CXADR: variants seen among roughly 807,000 people sequenced by gnomAD.
CXADR encodes the protein coxsackievirus and adenovirus receptor.
A neutral mutation model predicts 40.3 loss-of-function variants in CXADR; 20 were observed. The ratio of observed to expected loss-of-function variants is 0.50; its 90% CI spans 0.35 to 0.72. The LOEUF (loss-of-function observed/expected upper bound fraction) is 0.72. Among genes scored for constraint, CXADR ranks in the 30% least tolerant of loss-of-function variants. The pLI is 0.01. For synonymous variants in CXADR, 150 were observed against 161.3 expected, an observed-to-expected ratio of 0.93 and a Z score of 0.53; for missense variants, 332 against 449.1, an observed-to-expected ratio of 0.74 and a Z score of 2.36.
intron 6 of CXADR, among the ~76,000 whole-genome samples, chr21:17,564,566 C>T (rs1432797913): frequency 9.9e-5 from 15 of 151,910 alleles, no homozygotes; most frequent in Admixed American, 3.3e-4. Context: ...ATGTGGAACC[C>T]GTGGATGTGG....
At chr21:17,543,004 C>A in intron 1 of CXADR, 1 of 353,644 alleles carries the variant, frequency 2.8e-6, no homozygotes. Flanking sequence ...TATATGATCT[C>A]AAGATTTTAA....
At chr21:17,602,486 T>G in the CXADR span, among the ~76,000 whole-genome samples, 1 of 152,204 alleles carries the variant, frequency 6.6e-6, no homozygotes, top group South Asian at 2.1e-4. Context: ...TGTTTCCAGT[T>G]TTGGTGAAAA....
chr21:17,624,780 A>T, the CXADR span, among the ~76,000 whole-genome samples: 3 of 152,088 alleles, frequency 2.0e-5, no homozygotes, highest in African/African-American at 7.2e-5. Context: ...TTAGCCACGC[A>T]TGCTTCCATC....
intron 7 of CXADR, among the ~76,000 whole-genome samples, chr21:17,592,056 T>G (rs763636006): frequency 6.6e-6 from 1 of 152,004 alleles, no homozygotes; most frequent in Admixed American, 6.6e-5. Flanking sequence ...TCTACCTGTA[T>G]GCAGTTGAAT....
At chr21:17,590,260 A>G (rs1359657290) in intron 7 of CXADR, among the ~76,000 whole-genome samples, 1 of 149,954 alleles carries the variant, frequency 6.7e-6, no homozygotes, top group African/African-American at 2.5e-5. Context: ...AAACAAATTC[A>G]GTACTTTTAT....
intron 1 of CXADR, among the ~76,000 whole-genome samples, chr21:17,539,709 A>AT (rs1450312539): frequency 1.3e-5 from 2 of 151,752 alleles, no homozygotes; most frequent in South Asian, 2.1e-4. Context: ...AATGTACATA[A>AT]TTTTTTTTTC....
chr21:17,554,750 T>G (rs1444876034), intron 3 of CXADR, among the ~76,000 whole-genome samples: 8 of 152,178 alleles, frequency 5.3e-5, no homozygotes, highest in Admixed American at 5.2e-4. Context: ...CTGGATTATC[T>G]GGGGCAAAAG....
Position 17,547,085 on chromosome 21 carries a change from G to A in CXADR, c.102G>A (p.Gly34=). The A allele has an allele frequency of 6.2e-7, 1 of 1,613,836 alleles. No individual in the cohort carries two copies. Among genetic ancestry groups the A allele is most frequent in the Admixed American group, 1.7e-5 (1 of 60,016 alleles). The change falls in exon 2 of 7, where the codon GGG becomes GGA. Residue 34 remains glycine, a synonymous_variant. Coordinates refer to ENST00000284878, the MANE Select transcript of CXADR (RefSeq NM_001338.5). ...TPEEMIEKAK[G]ETAYLPCKFT... is the part of the protein sequence containing the mutation. The stretch of plus-strand genomic sequence containing the variant: ...AAGAGATGATTGAAAAAGCCAAAGG[G>A]GAAACTGCCTATCTGCCATGCAAAT...
chr21:17,554,816 T>G (rs1473470642), intron 3 of CXADR, among the ~76,000 whole-genome samples: 2 of 150,558 alleles, frequency 1.3e-5, no homozygotes, highest in Admixed American at 1.3e-4. Flanking sequence ...GGAGCTCATT[T>G]GATTGACTGA....
At chr21:17,538,325 G>T (rs368113215) in intron 1 of CXADR, among the ~76,000 whole-genome samples, 2 of 152,116 alleles carry the variant, frequency 1.3e-5, no homozygotes, top group African/African-American at 4.8e-5. Flanking sequence ...CACTGTGCTC[G>T]TGCTGAGTGA....
chr21:17,534,019 T>TATATATAGCTATATATATATATACAC (rs1356079376), intron 1 of CXADR, among the ~76,000 whole-genome samples: 849 of 81,340 alleles, frequency 0.01, 16 homozygotes, highest in South Asian at 0.023. Context: ...TATATATATA[T>TATATATAGCTATATATATATATACAC]ATATATATAG....
intron 6 of CXADR, among the ~76,000 whole-genome samples, chr21:17,565,205 T>C (rs930182166): frequency 2.0e-5 from 3 of 152,178 alleles, no homozygotes; most frequent in East Asian, 1.9e-4. Flanking sequence ...TGTGAAGTTA[T>C]AACTCTTTAA....
At chr21:17,580,440 G>A (rs1054474402) in intron 7 of CXADR, among the ~76,000 whole-genome samples, 3 of 152,086 alleles carry the variant, frequency 2.0e-5, no homozygotes, top group African/African-American at 7.2e-5. Context: ...CCAACATGGC[G>A]AAACCTGTCT....
intron 7 of CXADR, among the ~76,000 whole-genome samples, chr21:17,585,149 TTGGC>T (rs1322533755): frequency 6.6e-6 from 1 of 152,188 alleles, no homozygotes; most frequent in African/African-American, 2.4e-5. Flanking sequence ...TGAGATTAAC[TTGGC>T]TGTTTATTTC....
At chr21:17,607,445 T>C in the CXADR span, among the ~76,000 whole-genome samples, 1 of 152,222 alleles carries the variant, frequency 6.6e-6, no homozygotes, top group Non-Finnish European at 1.5e-5. Context: ...GAGCCTGTGT[T>C]AGCGTGCACA....
At chr21:17,620,590 TTGC>T in the CXADR span, among the ~76,000 whole-genome samples, 1 of 152,120 alleles carries the variant, frequency 6.6e-6, no homozygotes, top group East Asian at 1.9e-4. Flanking sequence ...GCTTAAACAC[TTGC>T]TTGACACAAG....
At chr21:17,581,406 TGA>T (rs1475919747) in intron 7 of CXADR, among the ~76,000 whole-genome samples, 3 of 152,214 alleles carry the variant, frequency 2.0e-5, no homozygotes, top group African/African-American at 4.8e-5. Flanking sequence ...TTTCAATATA[TGA>T]GAGTGTTTAT....
exon 8 of CXADR, chr21:17,593,191 T>C: frequency 6.8e-7 from 1 of 1,460,266 alleles, no homozygotes; most frequent in Non-Finnish European, 9.1e-7. Flanking sequence ...TACAGTTGTA[T>C]AAATATGGAC....
intron 1 of CXADR, among the ~76,000 whole-genome samples, chr21:17,536,096 A>C (rs1382065224): frequency 6.6e-6 from 1 of 152,224 alleles, no homozygotes; most frequent in East Asian, 1.9e-4. Flanking sequence ...TTCGAGAAGA[A>C]TCATGTATCA....
Sources: allele counts gnomAD v4.1 joint callset (sites outside exome capture counted in the v4.1 genomes callset), GRCh38; gene constraint gnomAD v4.1.1; transcripts MANE v1.5; gene names NCBI Gene and HGNC (gene_info 2026-07-23, HGNC 2026-07-21).